Variants in DPYD observed in about 807,000 individuals in gnomAD.
DPYD encodes dihydropyrimidine dehydrogenase [NADP(+)].
In DPYD, 109 loss-of-function variants were observed where a neutral mutation model predicts 116.2. That is an observed-to-expected ratio of 0.94 (90% CI 0.80 to 1.10). DPYD has a LOEUF of 1.10. Among genes scored for constraint, DPYD ranks in the 50% least tolerant of loss-of-function variants. DPYD has a pLI of 0.00. For missense variants in DPYD, 1,302 were observed against 1,254.5 expected, an observed-to-expected ratio of 1.04 and a Z score of -0.57; for synonymous variants, 440 against 432.0, an observed-to-expected ratio of 1.02 and a Z score of -0.23.
intron 10 of DPYD, among the ~76,000 whole-genome samples, chr1:97,587,266 T>C (rs1443975332): frequency 2.6e-5 from 4 of 152,202 alleles, no homozygotes; most frequent in Admixed American, 2.6e-4. Context: ...AATTAGCTTT[T>C]TGTGCCTAGA....
chr1:97,538,095 G>C (rs1461783592), intron 12 of DPYD, among the ~76,000 whole-genome samples: 1 of 151,166 alleles, frequency 6.6e-6, no homozygotes, highest in Non-Finnish European at 1.5e-5. Context: ...TCAATTTAGT[G>C]ATGCTGAATT....
chr1:97,749,080 T>C (rs1664720273), intron 3 of DPYD, among the ~76,000 whole-genome samples: 1 of 152,218 alleles, frequency 6.6e-6, no homozygotes, highest in African/African-American at 2.4e-5. Context: ...ACATTATCTC[T>C]AGCTATTCTG....
At chr1:97,535,751 G>C (rs1384199602) in intron 12 of DPYD, among the ~76,000 whole-genome samples, 1 of 152,028 alleles carries the variant, frequency 6.6e-6, no homozygotes, top group Non-Finnish European at 1.5e-5. Flanking sequence ...TGTTTTGATA[G>C]CTCCATTAGG....
intron 20 of DPYD, among the ~76,000 whole-genome samples, chr1:97,130,345 T>A (rs1570511700): frequency 6.6e-6 from 1 of 152,168 alleles, no homozygotes; most frequent in East Asian, 1.9e-4. Flanking sequence ...ATCTTCTTTG[T>A]ATGGACACAT....
chr1:97,110,730 C>T lies in DPYD; in HGVS notation c.2623-12098G>A, dbSNP rs115001644. 6.6e-3 allele frequency among the ~76,000 whole-genome samples: 1,001 copies of T among 152,212 alleles called. 10 individuals carry two copies. The highest frequency in any genetic ancestry group is 9.6e-3 in the Non-Finnish European group (652 of 67,992). The stretch of plus-strand genomic sequence containing the variant: ...CATATCCTTTTCAGGAATTTGTCCT[C>T]CATTCCAAACAATTGAAATGCTTCC... On this transcript the variant is annotated intron_variant, in intron 20 of 22. Transcript: ENST00000370192.
intron 22 of DPYD, among the ~76,000 whole-genome samples, chr1:97,081,591 A>C (rs1649148546): frequency 6.6e-6 from 1 of 152,162 alleles, no homozygotes; most frequent in African/African-American, 2.4e-5. Context: ...ATATATAGGA[A>C]GTAAATGAAG....
At chr1:97,768,377 C>T (rs1010299479) in intron 3 of DPYD, among the ~76,000 whole-genome samples, 29 of 152,120 alleles carry the variant, frequency 1.9e-4, no homozygotes. Context: ...GAGTTTATTT[C>T]AACGTGAATT....
chr1:97,720,784 T>A (rs1392541473), intron 5 of DPYD: 1 of 1,517,846 alleles, frequency 6.6e-7, no homozygotes, highest in Non-Finnish European at 8.8e-7. Context: ...TACTATACCC[T>A]TCATATAAGC....
At chr1:97,265,357 A>G (rs1367505758) in intron 18 of DPYD, 1 of 152,104 alleles carries the variant, frequency 6.6e-6, no homozygotes, top group Non-Finnish European at 1.5e-5. Flanking sequence ...TATTTTCATA[A>G]CAGTTAGAGG....
chr1:97,306,842 C>T (rs1667203861), intron 16 of DPYD, among the ~76,000 whole-genome samples: 1 of 151,806 alleles, frequency 6.6e-6, no homozygotes, highest in Admixed American at 6.6e-5. Flanking sequence ...ATAATTCAGC[C>T]TTGTATTATA....
At chr1:97,711,543 A>ATT (rs2101002580) in intron 5 of DPYD, among the ~76,000 whole-genome samples, 1 of 152,104 alleles carries the variant, frequency 6.6e-6, no homozygotes, top group Non-Finnish European at 1.5e-5. Context: ...GTCAGGGACT[A>ATT]TAAGTCACTG....
At chr1:97,350,262 T>TTTTGGA (rs1180733076) in intron 16 of DPYD, among the ~76,000 whole-genome samples, 71 of 152,164 alleles carry the variant, frequency 4.7e-4, no homozygotes, top group African/African-American at 1.6e-3. Context: ...TATTAAATAC[T>TTTTGGA]CAAACCATAG....
At chr1:97,173,279 C>CACACATATGT (rs548861757) in intron 20 of DPYD, among the ~76,000 whole-genome samples, 4 of 140,956 alleles carry the variant, frequency 2.8e-5, no homozygotes, top group Middle Eastern at 4.0e-3. Context: ...CATATATATG[C>CACACATATGT]ACACATATAT....
chr1:97,241,456 T>C (rs984786164), intron 18 of DPYD, among the ~76,000 whole-genome samples: 1 of 151,990 alleles, frequency 6.6e-6, no homozygotes, highest in East Asian at 1.9e-4. Flanking sequence ...AATAAATAAC[T>C]TATCCAGTGT....
chr1:97,885,418 T>C (rs972169902), intron 1 of DPYD, among the ~76,000 whole-genome samples: 5 of 152,058 alleles, frequency 3.3e-5, no homozygotes, highest in Non-Finnish European at 5.9e-5. Flanking sequence ...CTAGGTGATA[T>C]CTTAGCTGAT....
intron 3 of DPYD, among the ~76,000 whole-genome samples, chr1:97,766,190 G>C (rs1431211672): frequency 6.6e-6 from 1 of 152,052 alleles, no homozygotes; most frequent in Non-Finnish European, 1.5e-5. Context: ...ATGGTGAGCC[G>C]AGATTGCGCC....
At chr1:97,771,143 C>T (rs997400166) in intron 3 of DPYD, among the ~76,000 whole-genome samples, 2 of 152,022 alleles carry the variant, frequency 1.3e-5, no homozygotes, top group African/African-American at 4.8e-5. Flanking sequence ...CATGGTGAAA[C>T]CCCGCCTCTA....
At chr1:97,766,042 A>C (rs1319421531) in intron 3 of DPYD, among the ~76,000 whole-genome samples, 1 of 152,080 alleles carries the variant, frequency 6.6e-6, no homozygotes, top group South Asian at 2.1e-4. Context: ...TCAGGAGTTC[A>C]AGACCAGCCT....
intron 3 of DPYD, among the ~76,000 whole-genome samples, chr1:97,790,413 A>T (rs1667256888): frequency 6.6e-6 from 1 of 152,112 alleles, no homozygotes; most frequent in African/African-American, 2.4e-5. Flanking sequence ...GCCCAGAAGG[A>T]TTCTACACCA....
Sources: gnomAD v4.1 joint callset for allele counts (sites outside exome capture counted in the v4.1 genomes callset) on GRCh38, gnomAD v4.1.1 for gene constraint, MANE v1.5 for transcripts, NCBI Gene and HGNC (gene_info 2026-07-23, HGNC 2026-07-21) for gene names.